The following ZNF536 variants were observed in gnomAD, a reference collection of about 807,000 sequenced individuals.
The protein encoded by ZNF536 is zinc finger protein 536.
In ZNF536, 13 loss-of-function variants were observed where a neutral mutation model predicts 84.5. The observed-to-expected ratio is 0.15, with a 90% CI of 0.10 to 0.24. ZNF536 has a LOEUF of 0.24. Among genes scored for constraint, ZNF536 ranks in the 10% least tolerant of loss-of-function variants. The pLI is 1.00. For synonymous variants in ZNF536, 811 were observed against 742.5 expected (o/e 1.09, Z -1.50); for missense variants, 1,536 against 1,747.5 (o/e 0.88, Z 2.16).
intron 3 of ZNF536, among the ~76,000 whole-genome samples, chr19:30,366,381 T>TATCTATC (rs1413616339): frequency 6.6e-6 from 1 of 151,954 alleles, no homozygotes; most frequent in Non-Finnish European, 1.5e-5. Flanking sequence ...TCTATCTATC[T>TATCTATC]ATCTATCTAT....
At chr19:30,620,195 G>A (rs988814846) in intron 1 of ZNF536, among the ~76,000 whole-genome samples, 4 of 152,100 alleles carry the variant, frequency 2.6e-5, no homozygotes, top group African/African-American at 4.8e-5. Flanking sequence ...GCAAATGCCT[G>A]GCCTCAAGGG....
chr19:30,275,942 A>C (rs1481736561), intron 1 of ZNF536, among the ~76,000 whole-genome samples: 1 of 152,048 alleles, frequency 6.6e-6, no homozygotes, highest in African/African-American at 2.4e-5. Flanking sequence ...ACCTGCACTG[A>C]ATCACCGGCA....
chr19:30,488,758 C>T (rs547117140), intron 2 of ZNF536, among the ~76,000 whole-genome samples: 1 of 152,178 alleles, frequency 6.6e-6, no homozygotes, highest in Admixed American at 6.5e-5. Flanking sequence ...CAGCCTCCCT[C>T]CCCTTTCTTC....
chr19:30,428,118 A>AAAT (rs1264401068), intron 1 of ZNF536, among the ~76,000 whole-genome samples: 3 of 152,204 alleles, frequency 2.0e-5, no homozygotes, highest in African/African-American at 7.2e-5. Context: ...TAAAGTTATT[A>AAAT]ACTCCTTGCC....
intron 1 of ZNF536, among the ~76,000 whole-genome samples, chr19:30,685,498 G>C (rs986011562): frequency 3.0e-4 from 46 of 152,110 alleles, no homozygotes; most frequent in African/African-American, 1.1e-3. Context: ...CTTGCAAACA[G>C]GGCCCATGGA....
intron 1 of ZNF536, among the ~76,000 whole-genome samples, chr19:30,415,832 G>A (rs1374657667): frequency 4.6e-5 from 7 of 152,072 alleles, no homozygotes; most frequent in Admixed American, 4.6e-4. Flanking sequence ...GGTTGGTCTC[G>A]ATCTCCTGAC....
chr19:30,532,378 G>T (rs1016859701), intron 2 of ZNF536, among the ~76,000 whole-genome samples: 5 of 151,996 alleles, frequency 3.3e-5, no homozygotes, highest in Non-Finnish European at 5.9e-5. Context: ...TGATCCACCC[G>T]CCTCAGCCTC....
intron 1 of ZNF536, among the ~76,000 whole-genome samples, chr19:30,283,596 G>A (rs979800433): frequency 2.0e-5 from 3 of 152,162 alleles, no homozygotes; most frequent in Non-Finnish European, 4.4e-5. Context: ...TACCAAACAG[G>A]TTTGGCCAGT....
At chr19:30,294,378 G>T (rs1336789906) in intron 2 of ZNF536, among the ~76,000 whole-genome samples, 2 of 152,134 alleles carry the variant, frequency 1.3e-5, no homozygotes, top group African/African-American at 2.4e-5. Context: ...TTTCATGTCT[G>T]AAAACAGTTA....
intron 2 of ZNF536, among the ~76,000 whole-genome samples, chr19:30,460,083 C>T (rs1489389592): frequency 6.6e-6 from 1 of 152,146 alleles, no homozygotes; most frequent in African/African-American, 2.4e-5. Context: ...CCCCATGCCA[C>T]CAAACAGAGC....
At chr19:30,648,046 C>A (rs1412887290) in intron 1 of ZNF536, among the ~76,000 whole-genome samples, 1 of 152,216 alleles carries the variant, frequency 6.6e-6, no homozygotes, top group Non-Finnish European at 1.5e-5. Context: ...AGGGATGCAT[C>A]GGTTCTCCTA....
intron 1 of ZNF536, among the ~76,000 whole-genome samples, chr19:30,706,821 T>C (rs1168001967): frequency 6.6e-6 from 1 of 152,234 alleles, no homozygotes; most frequent in Non-Finnish European, 1.5e-5. Flanking sequence ...ATTAGGACAG[T>C]GGCCAGCCTT....
chr19:30,598,240 C>T (rs531194665), intron 1 of ZNF536, among the ~76,000 whole-genome samples: 2 of 152,298 alleles, frequency 1.3e-5, no homozygotes, highest in South Asian at 4.1e-4. Context: ...CACCTTCCAG[C>T]TCTATCATCT....
At chr19:30,473,412 T>C (rs2053720901) in intron 2 of ZNF536, among the ~76,000 whole-genome samples, 1 of 152,080 alleles carries the variant, frequency 6.6e-6, no homozygotes, top group African/African-American at 2.4e-5. Flanking sequence ...CCCTCAGTTG[T>C]AGTGCAAGTG....
At chr19:30,632,126 T>C (rs1022697701) in intron 1 of ZNF536, among the ~76,000 whole-genome samples, 1 of 152,324 alleles carries the variant, frequency 6.6e-6, no homozygotes, top group African/African-American at 2.4e-5. Context: ...AACTATTAAC[T>C]GTGAGTAATA....
chr19:30,640,604 A>G (rs1320757188), intron 1 of ZNF536, among the ~76,000 whole-genome samples: 2 of 152,160 alleles, frequency 1.3e-5, no homozygotes. Flanking sequence ...TTCTCCCTGC[A>G]CCGTCTTACC....
At chr19:30,281,653 G>GA (rs552260821) in intron 1 of ZNF536, among the ~76,000 whole-genome samples, 78 of 152,292 alleles carry the variant, frequency 5.1e-4, no homozygotes, top group African/African-American at 1.9e-3. Flanking sequence ...AGGGCTGCGT[G>GA]GGAGCCTTAT....
At chr19:30,433,799 C>G (rs1191790802) in intron 1 of ZNF536, among the ~76,000 whole-genome samples, 1 of 152,180 alleles carries the variant, frequency 6.6e-6, no homozygotes, top group African/African-American at 2.4e-5. Flanking sequence ...GCCTGGCCAA[C>G]AGGAGCATTT....
chr19:30,695,614 T>C (rs1210295761), intron 1 of ZNF536, among the ~76,000 whole-genome samples: 1 of 151,912 alleles, frequency 6.6e-6, no homozygotes, highest in African/African-American at 2.4e-5. Context: ...GATTGCAATT[T>C]GGAAAGCCAG....
Sources: gnomAD v4.1 joint callset for allele counts (sites outside exome capture counted in the v4.1 genomes callset) on GRCh38, gnomAD v4.1.1 for gene constraint, MANE v1.5 for transcripts, NCBI Gene and HGNC (gene_info 2026-07-23, HGNC 2026-07-21) for gene names.